Variants in USP15 observed in about 807,000 individuals in gnomAD.
USP15 encodes the protein ubiquitin carboxyl-terminal hydrolase 15.
USP15 carries 18 observed loss-of-function variants against 127.1 expected under a neutral mutation model. The observed-to-expected ratio is 0.14, with a 90% confidence interval of 0.10 to 0.21. USP15 has a LOEUF of 0.21. USP15 is among the 10% of genes least tolerant of loss of function. The probability of loss-of-function intolerance (pLI) is 1.00; values close to 1 mark genes in which losing one functional copy is unlikely to be tolerated. For synonymous variants in USP15, 364 were observed against 393.7 expected (o/e 0.92, Z 0.89); for missense variants, 805 against 1,159.9 (o/e 0.69, Z 4.44).
At chr12:62,387,960 C>T (rs1056761756) in intron 11 of USP15, among the ~76,000 whole-genome samples, 1 of 151,918 alleles carries the variant, frequency 6.6e-6, no homozygotes, top group Non-Finnish European at 1.5e-5. Context: ...CCATGTGTTG[C>T]AAGAGACAGA....
intron 7 of USP15, among the ~76,000 whole-genome samples, chr12:62,353,902 A>G (rs745857264): frequency 2.0e-5 from 3 of 152,076 alleles, no homozygotes; most frequent in Admixed American, 2.0e-4. Flanking sequence ...GTAAATAGCT[A>G]TAAGTCTAGC....
chr12:62,341,778 G>C (rs2065654906), intron 6 of USP15, among the ~76,000 whole-genome samples: 1 of 152,156 alleles, frequency 6.6e-6, no homozygotes, highest in Non-Finnish European at 1.5e-5. Context: ...CCCTTTGTAG[G>C]TGACCTGACC....
rs150706751 is a variant in USP15, at chr12:62,275,352, G to A, written c.89+14849G>A. Reference sequence around the variant, plus strand: ...GAGCAGGGCTATGTAATACATTTAAGCAAAAGAGAAGGTTGTAAAAAAAAT... The same window carrying A: ...GAGCAGGGCTATGTAATACATTTAAACAAAAGAGAAGGTTGTAAAAAAAAT... On this transcript the variant is annotated intron_variant, in intron 1 of 21. Transcript: ENST00000280377. Among the ~76,000 whole-genome samples, 167 of 151,022 alleles carry A rather than the reference G, an allele frequency of 1.1e-3. 3 individuals are homozygous for A. In the East Asian group the frequency reaches 0.026, roughly 23 times the overall value.
At chr12:62,288,344 C>CTTTTTTTTTTT (rs34110065) in intron 1 of USP15, among the ~76,000 whole-genome samples, 1 of 114,432 alleles carries the variant, frequency 8.7e-6, no homozygotes, top group South Asian at 2.8e-4. Flanking sequence ...TGGCATTTTA[C>CTTTTTTTTTTT]TTTTTTTTTT....
chr12:62,364,208 G>GA (rs1272804871), intron 8 of USP15, among the ~76,000 whole-genome samples: 1 of 152,150 alleles, frequency 6.6e-6, no homozygotes, highest in African/African-American at 2.4e-5. Flanking sequence ...GCAATAGGAG[G>GA]AAAGAAAGGG....
intron 1 of USP15, among the ~76,000 whole-genome samples, chr12:62,286,208 A>G (rs2137115576): frequency 6.6e-6 from 1 of 152,336 alleles, no homozygotes; most frequent in East Asian, 1.9e-4. Context: ...CGCCCATTAA[A>G]AAGTGGACAA....
At chr12:62,351,318 C>A (rs1364561650) in intron 7 of USP15, among the ~76,000 whole-genome samples, 1 of 150,930 alleles carries the variant, frequency 6.6e-6, no homozygotes, top group African/African-American at 2.4e-5. Flanking sequence ...AATAACCCCT[C>A]GTAATTTGGT....
At chr12:62,305,298 G>A (rs1423612977) in intron 3 of USP15, among the ~76,000 whole-genome samples, 1 of 151,992 alleles carries the variant, frequency 6.6e-6, no homozygotes. Context: ...TCTAATAATA[G>A]CCAGAGAAAA....
intron 1 of USP15, among the ~76,000 whole-genome samples, chr12:62,270,629 C>A (rs1282779624): frequency 6.6e-6 from 1 of 151,924 alleles, no homozygotes; most frequent in African/African-American, 2.4e-5. Flanking sequence ...CATTCTTTTC[C>A]CTGTGCAATT....
intron 6 of USP15, among the ~76,000 whole-genome samples, chr12:62,342,199 T>TTGAGCTATTGATACTTCTGTATGCTTCTC (rs2065668142): frequency 6.6e-6 from 1 of 152,046 alleles, no homozygotes; most frequent in Non-Finnish European, 1.5e-5. Flanking sequence ...GCTTGATCGA[T>TTGAGCTATTGATACTTCTGTATGCTTCTC]TGAGCTATTG....
chr12:62,325,859 G>A lies in USP15; in HGVS notation c.622-13G>A. On this transcript the variant is annotated splice_polypyrimidine_tract_variant and intron_variant, in intron 5 of 21. Transcript: ENST00000280377. ...TTATGGAAAAACACCCTTTTATTGT[G>A]TCATATTTGCAGGTATTAGTGATAG... 6.2e-7 allele frequency: 1 copy of A among 1,600,440 alleles called. No homozygotes were observed. The highest frequency in any genetic ancestry group is 8.5e-7 in the Non-Finnish European group (1 of 1,172,366).
At chr12:62,358,480 C>G (rs1000240294) in intron 8 of USP15, among the ~76,000 whole-genome samples, 1 of 152,092 alleles carries the variant, frequency 6.6e-6, no homozygotes, top group Non-Finnish European at 1.5e-5. Flanking sequence ...TTTGGGAGGC[C>G]AAGGCGAGTG....
intron 6 of USP15, among the ~76,000 whole-genome samples, chr12:62,342,094 G>T (rs1017814704): frequency 1.3e-5 from 2 of 152,076 alleles, no homozygotes; most frequent in African/African-American, 4.8e-5. Context: ...ATTTCTTGGA[G>T]GCTTTGTTCA....
chr12:62,299,723 C>T (rs925077808), intron 2 of USP15, among the ~76,000 whole-genome samples: 3 of 152,152 alleles, frequency 2.0e-5, no homozygotes, highest in African/African-American at 4.8e-5. Context: ...CGTTGTTTAA[C>T]TATTTTAGGA....
chr12:62,381,343 A>AG lies in USP15; in HGVS notation c.916-147_916-146insG, dbSNP rs2066984066. On this transcript the variant is annotated intron_variant, in intron 8 of 21. Transcript: ENST00000280377. ...AGTTGAGTACATCATTTGAGTGTTT[A>AG]TTTGACCAGTTATTAGTGCAAGAAA... 8 of 576,698 alleles carry AG rather than the reference A, an allele frequency of 1.4e-5. No homozygotes were observed. The South Asian group carries it at 2.8e-4, about 20-fold the overall frequency. 35.7% of individuals were successfully genotyped at this position (576,698 alleles called of 1,614,324 possible).
chr12:62,267,996 C>A (rs183571851), intron 1 of USP15, among the ~76,000 whole-genome samples: 1 of 152,120 alleles, frequency 6.6e-6, no homozygotes, highest in East Asian at 1.9e-4. Context: ...GGATTTCAAG[C>A]TGAAGAACTT....
rs558534389 is a variant in USP15, at chr12:62,280,185, ATAAT to A, written c.90-13989_90-13986del. 2.5e-4 allele frequency among the ~76,000 whole-genome samples: 38 copies of A among 152,314 alleles called. No individual in the cohort carries two copies. In the East Asian group the frequency reaches 6.0e-3, roughly 24 times the overall value. On this transcript the variant is annotated intron_variant, in intron 1 of 21. Coordinates refer to ENST00000280377, the MANE Select transcript of USP15 (RefSeq NM_001252078.2). Reference sequence around the variant, plus strand: ...GGTAATAATTAACCTTAATATGTTAATAATTAATAATAAATTAAGCTTAATAAAG... The same window carrying A: ...GGTAATAATTAACCTTAATATGTTAATAATAATAAATTAAGCTTAATAAAG...
At chr12:62,399,391 CAT>C (rs527940355) in intron 20 of USP15, among the ~76,000 whole-genome samples, 158 of 152,270 alleles carry the variant, frequency 1.0e-3, no homozygotes, top group African/African-American at 3.6e-3. Context: ...GGGGTACAGT[CAT>C]ATTAGTTGTC....
At chr12:62,274,531 G>A (rs958654001) in intron 1 of USP15, among the ~76,000 whole-genome samples, 4 of 151,914 alleles carry the variant, frequency 2.6e-5, no homozygotes, top group Admixed American at 2.6e-4. Flanking sequence ...TGTCGTCCCA[G>A]CTACTTGGAA....
Sources: gnomAD v4.1 joint callset for allele counts (sites outside exome capture counted in the v4.1 genomes callset) on GRCh38, gnomAD v4.1.1 for gene constraint, MANE v1.5 for transcripts, NCBI Gene and HGNC (gene_info 2026-07-23, HGNC 2026-07-21) for gene names.